DNAJC8: variants seen among roughly 807,000 people sequenced by gnomAD.
The protein encoded by DNAJC8 is DnaJ heat shock protein family (Hsp40) member C8.
Under a neutral mutation model 43.2 loss-of-function variants are expected in DNAJC8, and 24 were observed. That is an observed-to-expected ratio of 0.56 (90% CI 0.40 to 0.78). The LOEUF is 0.78. Ranked by LOEUF, DNAJC8 falls within the 30% of genes least tolerant of loss-of-function variation. DNAJC8 has a pLI of 0.00. For synonymous variants in DNAJC8, 83 were observed against 98.0 expected (o/e 0.85, Z 0.90); for missense variants, 207 against 299.4 (o/e 0.69, Z 2.28).
chr1:28,206,694 C>A (rs1048380428), intron 6 of DNAJC8, among the ~76,000 whole-genome samples: 1 of 152,114 alleles, frequency 6.6e-6, no homozygotes, highest in Non-Finnish European at 1.5e-5. Flanking sequence ...ATATTTTTCT[C>A]CAGATATAAA....
chr1:28,216,204 C>T (rs1382174271), intron 2 of DNAJC8, among the ~76,000 whole-genome samples: 1 of 152,076 alleles, frequency 6.6e-6, no homozygotes, highest in Non-Finnish European at 1.5e-5. Context: ...CAATATTAGC[C>T]AGGCGTAGTG....
intron 1 of DNAJC8, among the ~76,000 whole-genome samples, chr1:28,232,195 G>A (rs1163287835): frequency 6.6e-6 from 1 of 152,120 alleles, no homozygotes; most frequent in East Asian, 1.9e-4. Context: ...GCCTCCCAAA[G>A]TGCTGGGATT....
At chr1:28,213,459 C>G (rs1572063673) in intron 3 of DNAJC8, among the ~76,000 whole-genome samples, 1 of 151,060 alleles carries the variant, frequency 6.6e-6, no homozygotes, top group East Asian at 1.9e-4. Flanking sequence ...AGTTAAAAAA[C>G]ATCTTGGCTT....
At chr1:28,205,591 T>G (rs1390757615) in intron 6 of DNAJC8, among the ~76,000 whole-genome samples, 1 of 152,118 alleles carries the variant, frequency 6.6e-6, no homozygotes, top group Non-Finnish European at 1.5e-5. Context: ...AAATTTTTTT[T>G]AAAACTAGCG....
In DNAJC8 at chr1:28,221,208, G is replaced by A. The variant is rs868388660; in HGVS notation, c.181-6212C>T. On this transcript the variant is annotated intron_variant, in intron 2 of 8. Coordinates refer to ENST00000263697, the MANE Select transcript of DNAJC8 (RefSeq NM_014280.3). The stretch of plus-strand genomic sequence containing the variant: ...CAAAAAATTAGCCGGGCGTGGTGGC[G>A]GGCGCCTGTAGTCCCAGCTACTCGG... Among the ~76,000 whole-genome samples, 5 of 151,886 alleles carry A rather than the reference G, an allele frequency of 3.3e-5. No individual in the cohort carries two copies. In the East Asian group the frequency reaches 9.7e-4, roughly 29 times the overall value.
rs538900673 is a variant in DNAJC8, at chr1:28,220,760, C to A, written c.181-5764G>T. Among the ~76,000 whole-genome samples, 3 of 152,254 alleles carry A rather than the reference C, an allele frequency of 2.0e-5. No homozygotes were observed. In the East Asian group the frequency reaches 5.8e-4, roughly 29 times the overall value. On this transcript the variant is annotated intron_variant, in intron 2 of 8. Coordinates refer to ENST00000263697, the MANE Select transcript of DNAJC8 (RefSeq NM_014280.3). Reference sequence around the variant, plus strand: ...CACAGAATTTAAGAATTACTGTTCTCACAGTAGATAAGGGAGAGACAAGTA... The same window carrying A: ...CACAGAATTTAAGAATTACTGTTCTAACAGTAGATAAGGGAGAGACAAGTA...
At chr1:28,222,084 G>A (rs1572068275) in intron 2 of DNAJC8, among the ~76,000 whole-genome samples, 1 of 152,148 alleles carries the variant, frequency 6.6e-6, no homozygotes, top group Non-Finnish European at 1.5e-5. Flanking sequence ...GGGGAGGGAG[G>A]AATGCGGAAT....
At chr1:28,228,275 G>C (rs1227374241) in intron 2 of DNAJC8, among the ~76,000 whole-genome samples, 3 of 150,540 alleles carry the variant, frequency 2.0e-5, no homozygotes, top group Non-Finnish European at 4.4e-5. Flanking sequence ...CTTGAACCTG[G>C]GAGAAGGAGG....
At position 28,224,680 on chromosome 1, in the gene DNAJC8, C is replaced by T. The variant is rs576463753; in HGVS notation, c.180+4242G>A. Among the ~76,000 whole-genome samples, 6 of 152,074 alleles carry T rather than the reference C, an allele frequency of 3.9e-5. 1 individual carries two copies. The highest frequency in any genetic ancestry group is 9.6e-5 in the African/African-American group (4 of 41,502). Reference sequence around the variant, plus strand: ...AGGGCGGATCATGAGGTCAGGAGTTCGAGACAAGCCTGGCCAGCTTGGTGA... The same window carrying T: ...AGGGCGGATCATGAGGTCAGGAGTTTGAGACAAGCCTGGCCAGCTTGGTGA... On this transcript the variant is annotated intron_variant, in intron 2 of 8. Coordinates refer to ENST00000263697, the MANE Select transcript of DNAJC8 (RefSeq NM_014280.3).
At chr1:28,223,773 C>T (rs1304263197) in intron 2 of DNAJC8, among the ~76,000 whole-genome samples, 1 of 151,482 alleles carries the variant, frequency 6.6e-6, no homozygotes, top group East Asian at 1.9e-4. Flanking sequence ...AACCAGGTTT[C>T]TAACTATTAG....
chr1:28,216,405 C>T (rs1287385785), intron 2 of DNAJC8, among the ~76,000 whole-genome samples: 2 of 152,020 alleles, frequency 1.3e-5, no homozygotes, highest in Non-Finnish European at 2.9e-5. Context: ...TCTCTAGGGG[C>T]AAACCAAAGT....
intron 2 of DNAJC8, among the ~76,000 whole-genome samples, chr1:28,221,664 T>C (rs769634051): frequency 1.3e-5 from 2 of 152,214 alleles, no homozygotes; most frequent in African/African-American, 2.4e-5. Flanking sequence ...CATGGTACTA[T>C]GCTCGATTTT....
chr1:28,218,360 G>A (rs1279347549), intron 2 of DNAJC8, among the ~76,000 whole-genome samples: 1 of 151,824 alleles, frequency 6.6e-6, no homozygotes, highest in Admixed American at 6.5e-5. Context: ...CTCCCAAAGT[G>A]CTGGGATTAC....
intron 2 of DNAJC8, among the ~76,000 whole-genome samples, chr1:28,223,341 C>G (rs550296406): frequency 6.6e-6 from 1 of 152,100 alleles, no homozygotes; most frequent in East Asian, 1.9e-4. Context: ...AGCCCATGAT[C>G]AGTGAAAAGG....
intron 5 of DNAJC8, among the ~76,000 whole-genome samples, chr1:28,209,560 A>T (rs1258487578): frequency 6.6e-6 from 1 of 152,198 alleles, no homozygotes; most frequent in East Asian, 1.9e-4. Flanking sequence ...AAAAAAGTTT[A>T]CGCCTATCCT....
In DNAJC8 at chr1:28,200,396, C is replaced by A. The variant is rs1245539569; in HGVS notation, c.*852G>T. ...GGTAGTTACCTTGTATATGCCATGGCAAATCTGCCCTAAAAGCTGCTGCAG... is the reference window on the plus strand; with the variant it reads ...GGTAGTTACCTTGTATATGCCATGGAAAATCTGCCCTAAAAGCTGCTGCAG... On this transcript the variant is annotated 3_prime_UTR_variant, in exon 9 of 9. Coordinates refer to ENST00000263697, the MANE Select transcript of DNAJC8 (RefSeq NM_014280.3). 2.3e-6 allele frequency: 1 copy of A among 443,040 alleles called. No homozygotes were observed. The highest frequency in any genetic ancestry group is 4.5e-6 in the Non-Finnish European group (1 of 220,622). The allele number at this position is 443,040 out of a possible 1,614,324, so 27.4% of individuals were successfully genotyped here.
At position 28,210,579 on chromosome 1, in the gene DNAJC8, G is replaced by A; in HGVS notation, c.296C>T (p.Ala99Val). ...NQDDADRAQK[A>V]FEAVDKAYKL... ...GGTAAATTTACAAATACCTTCAAAAGCCTTTTGTGCTCTGTCAGCATCATC... is the reference window on the plus strand; with the variant it reads ...GGTAAATTTACAAATACCTTCAAAAACCTTTTGTGCTCTGTCAGCATCATC... The change falls in exon 4 of 9, where the codon GCT becomes GTT. Residue 99 changes from alanine to valine, a missense_variant. Ala to Val is a moderately conservative substitution (Grantham distance 64). This residue lies in a region of DNAJC8 where 159 missense variants were observed against 267.5 expected (regional missense o/e 0.59). Coordinates refer to ENST00000263697, the MANE Select transcript of DNAJC8 (RefSeq NM_014280.3). The A allele has an allele frequency of 6.2e-7, 1 of 1,613,670 alleles. No homozygotes were observed. The highest frequency in any genetic ancestry group is 8.5e-7 in the Non-Finnish European group (1 of 1,179,762).
At chr1:28,232,333 T>A (rs1355804795) in intron 1 of DNAJC8, among the ~76,000 whole-genome samples, 1 of 152,190 alleles carries the variant, frequency 6.6e-6, no homozygotes, top group Non-Finnish European at 1.5e-5. Context: ...ATCCACTACA[T>A]ACTATGCGCT....
At chr1:28,214,007 C>A (rs1322616417) in intron 3 of DNAJC8, among the ~76,000 whole-genome samples, 1 of 151,900 alleles carries the variant, frequency 6.6e-6, no homozygotes, top group Non-Finnish European at 1.5e-5. Flanking sequence ...CAGAGTGAGA[C>A]CCTGTCTCAA....
Sources: allele counts gnomAD v4.1 joint callset (sites outside exome capture counted in the v4.1 genomes callset), GRCh38; gene constraint gnomAD v4.1.1; regional missense constraint gnomAD v4.1.1; transcripts MANE v1.5; gene names NCBI Gene and HGNC (gene_info 2026-07-23, HGNC 2026-07-21).